RASSF6: variants seen among roughly 807,000 people sequenced by gnomAD.
The protein encoded by RASSF6 is Ras association domain family member 6.
RASSF6 carries 52 observed loss-of-function variants against 44.0 expected under a neutral mutation model. The observed-to-expected ratio is 1.18, with a 90% CI of 0.95 to 1.49. The LOEUF is 1.49. Ranked by LOEUF, RASSF6 falls within the 40% of genes most tolerant of loss-of-function variation. RASSF6 has a pLI of 0.00. For missense variants in RASSF6, 464 were observed against 393.3 expected, an observed-to-expected ratio of 1.18 and a Z score of -1.52; for synonymous variants, 162 against 124.6, an observed-to-expected ratio of 1.30 and a Z score of -2.00.
At chr4:73,585,084 A>C in intron 6 of RASSF6, 96 bp downstream of exon 6, 4 of 820,522 alleles carry the variant, frequency 4.9e-6, no homozygotes, top group Non-Finnish European at 7.5e-6. Flanking sequence ...TACTGTTATT[A>C]TTATGACTTT....
At chr4:73,616,114 T>C (rs1399589270) in intron 1 of RASSF6, among the ~76,000 whole-genome samples, 1 of 152,184 alleles carries the variant, frequency 6.6e-6, no homozygotes, top group Non-Finnish European at 1.5e-5. Context: ...GCACAGAAAG[T>C]ATAGCCTGTA....
Position 73,620,311 on chromosome 4 carries a change from A to C in RASSF6, c.-58T>G. On this transcript the variant is annotated 5_prime_UTR_variant, in exon 1 of 11. Transcript: ENST00000307439. ...ACCTGTTATTCACACTGTGAGCAGG[A>C]GGACCCTTTTCACCATCGTTGTTCG... 1 of 1,468,084 alleles carries C rather than the reference A, an allele frequency of 6.8e-7. No homozygotes were observed. The highest frequency in any genetic ancestry group is 1.4e-5 in the South Asian group (1 of 70,872). 90.9% of individuals were successfully genotyped at this position (1,468,084 alleles called of 1,614,324 possible). A position where few individuals can be genotyped will look rare whatever the true frequency, so the allele number is the denominator to read the frequency against.
intron 4 of RASSF6, 53 bp from the exon 5 acceptor site, chr4:73,587,987 A>G (rs1159932045): frequency 2.5e-6 from 3 of 1,193,340 alleles, no homozygotes; most frequent in Non-Finnish European, 2.5e-6. Context: ...ATTGAAGCCT[A>G]TGATGGTTTC....
chr4:73,600,788 A>G (rs1191209049), intron 2 of RASSF6, among the ~76,000 whole-genome samples: 1 of 152,160 alleles, frequency 6.6e-6, no homozygotes, highest in African/African-American at 2.4e-5. Context: ...ATTACTTTCC[A>G]TTTTTAATGT....
At chr4:73,604,900 GTT>G (rs1260849661) in intron 2 of RASSF6, among the ~76,000 whole-genome samples, 1 of 84,812 alleles carries the variant, frequency 1.2e-5, no homozygotes, top group Non-Finnish European at 2.5e-5. Flanking sequence ...TTTTTTTTTT[GTT>G]TTTTGAGATG....
At chr4:73,605,274 T>C (rs1243313110) in intron 2 of RASSF6, among the ~76,000 whole-genome samples, 6 of 152,232 alleles carry the variant, frequency 3.9e-5, no homozygotes, top group Non-Finnish European at 8.8e-5. Flanking sequence ...TGTATGTTTT[T>C]GGAAAGATGG....
intron 4 of RASSF6, among the ~76,000 whole-genome samples, chr4:73,589,365 C>T (rs1724351109): frequency 6.6e-6 from 1 of 151,892 alleles, no homozygotes; most frequent in African/African-American, 2.4e-5. Flanking sequence ...AAGTGGCAGA[C>T]ATAATTATCG....
At position 73,573,584 on chromosome 4, in the gene RASSF6, G is replaced by C. The variant is rs1723032003; in HGVS notation, c.*2651C>G. The C allele has an allele frequency of 6.6e-6, 1 of 152,116 alleles. No homozygotes were observed. Among genetic ancestry groups the C allele is most frequent in the African/African-American group, 2.4e-5 (1 of 41,412 alleles). 9.4% of individuals were successfully genotyped at this position (152,116 alleles called of 1,614,324 possible). On this transcript the variant is annotated 3_prime_UTR_variant, in exon 11 of 11. Transcript: ENST00000307439. ...TAGGATCTTACAAGTAGAATTATAG[G>C]ATAAACAGACTACTAAATTGCCTTC...
In RASSF6 at chr4:73,575,969, A is replaced by G. The variant is rs1025279658; in HGVS notation, c.*266T>C. 2 of 267,342 alleles carry G rather than the reference A, an allele frequency of 7.5e-6. No homozygotes were observed. Among genetic ancestry groups the G allele is most frequent in the Non-Finnish European group, 1.4e-5 (2 of 143,366 alleles). The allele number at this position is 267,342 out of a possible 1,614,324, so 16.6% of individuals were successfully genotyped here. A position where few individuals can be genotyped will look rare whatever the true frequency, so the allele number is the denominator to read the frequency against. ...GACACCATTTAAATTTGAGTTCATTACATGGTTTACTATAAAAGCTATTTG... is the reference window on the plus strand; with the variant it reads ...GACACCATTTAAATTTGAGTTCATTGCATGGTTTACTATAAAAGCTATTTG... On this transcript the variant is annotated 3_prime_UTR_variant, in exon 11 of 11. Transcript: ENST00000307439.
At chr4:73,612,434 G>A (rs763108689) in intron 1 of RASSF6, among the ~76,000 whole-genome samples, 1 of 150,950 alleles carries the variant, frequency 6.6e-6, no homozygotes, top group Non-Finnish European at 1.5e-5. Context: ...AAGATTTTAG[G>A]GGATAGAGCC....
intron 5 of RASSF6, among the ~76,000 whole-genome samples, chr4:73,586,981 C>A (rs932242454): frequency 2.6e-5 from 4 of 151,834 alleles, no homozygotes; most frequent in African/African-American, 9.7e-5. Flanking sequence ...AGTGGGATAC[C>A]TTTGTTCACA....
At chr4:73,613,024 C>G (rs1225783318) in intron 1 of RASSF6, among the ~76,000 whole-genome samples, 1 of 152,090 alleles carries the variant, frequency 6.6e-6, no homozygotes, top group Non-Finnish European at 1.5e-5. Flanking sequence ...ATATCTGGTC[C>G]CTTTTAGTCC....
intron 8 of RASSF6, among the ~76,000 whole-genome samples, chr4:73,579,447 G>A (rs1174270590): frequency 6.6e-6 from 1 of 152,192 alleles, no homozygotes; most frequent in African/African-American, 2.4e-5. Flanking sequence ...GCCATGGGTA[G>A]AATCATTTTA....
intron 2 of RASSF6, among the ~76,000 whole-genome samples, chr4:73,610,017 C>A (rs1284616230): frequency 6.6e-6 from 1 of 152,118 alleles, no homozygotes; most frequent in Non-Finnish European, 1.5e-5. Context: ...GTCCATGGAC[C>A]TCATTTTTAA....
Position 73,604,881 on chromosome 4 carries a change from TTTC to T in RASSF6, c.66-6166_66-6164del, listed in dbSNP as rs1366789746. Among the ~76,000 whole-genome samples the T allele has an allele frequency of 3.4e-5, 4 of 118,064 alleles. No individual in the cohort carries two copies. In the East Asian group the frequency reaches 8.7e-4, roughly 26 times the overall value. 77.5% of individuals were successfully genotyped at this position (118,064 alleles called of 152,430 possible). A position where few individuals can be genotyped will look rare whatever the true frequency, so the allele number is the denominator to read the frequency against. ...TCTATATACCTTATAAATCATTTTC[TTTC>T]TTTTTTTTTTTTTTTGTTTTTTGAG... On this transcript the variant is annotated intron_variant, in intron 2 of 10. Coordinates refer to ENST00000307439, the MANE Select transcript of RASSF6 (RefSeq NM_177532.5).
chr4:73,610,447 A>G (rs1368788762), intron 2 of RASSF6, among the ~76,000 whole-genome samples: 1 of 152,066 alleles, frequency 6.6e-6, no homozygotes, highest in Non-Finnish European at 1.5e-5. Flanking sequence ...ACAGCTTCTC[A>G]TCTTATTTAG....
chr4:73,612,485 T>TTTC (rs1726083042), intron 1 of RASSF6, among the ~76,000 whole-genome samples: 1 of 35,560 alleles, frequency 2.8e-5, no homozygotes, highest in Non-Finnish European at 7.3e-5. Context: ...TTTTCTTTTT[T>TTTC]TTTTTTTTTT....
chr4:73,576,379 G>T lies in RASSF6; in HGVS notation c.938+31C>A, dbSNP rs550376329. 11 of 1,457,422 alleles carry T rather than the reference G, an allele frequency of 7.5e-6. No individual in the cohort carries two copies. In the East Asian group the frequency reaches 2.0e-4, roughly 27 times the overall value. 90.3% of individuals were successfully genotyped at this position (1,457,422 alleles called of 1,614,324 possible). A position where few individuals can be genotyped will look rare whatever the true frequency, so the allele number is the denominator to read the frequency against. ...TTGTGCATTGGACATATTAAAGAACGGAGTATCCAATGTGCATGCTCTTGA... is the reference window on the plus strand; with the variant it reads ...TTGTGCATTGGACATATTAAAGAACTGAGTATCCAATGTGCATGCTCTTGA... On this transcript the variant is annotated intron_variant, in intron 10 of 10. Coordinates refer to ENST00000307439, the MANE Select transcript of RASSF6 (RefSeq NM_177532.5).
Position 73,587,934 on chromosome 4 carries a change from T to A in RASSF6, c.288A>T (p.Gly96=), listed in dbSNP as rs745398764. The part of the protein sequence containing the change: ...MKSSDVFSSK[G]MTRWGEFDDL... ...CGTCAAATTCCCCCCAGCGTGTCAT[T>A]CTGAGAAGTAATAAATCTTGTAAGT... is the stretch of plus-strand genomic sequence containing the variant. Residue 96 remains glycine (G), a splice_region_variant and synonymous_variant, in exon 5 of 11, where the codon GGA becomes GGT. Coordinates refer to ENST00000307439, the MANE Select transcript of RASSF6 (RefSeq NM_177532.5). The A allele has an allele frequency of 3.1e-6, 5 of 1,597,108 alleles. No individual in the cohort carries two copies. The highest frequency in any genetic ancestry group is 3.4e-6 in the Non-Finnish European group (4 of 1,166,134).
Sources: allele counts gnomAD v4.1 joint callset (sites outside exome capture counted in the v4.1 genomes callset), GRCh38; gene constraint gnomAD v4.1.1; transcripts MANE v1.5; gene names NCBI Gene and HGNC (gene_info 2026-07-23, HGNC 2026-07-21).